ZIC4: variants seen among roughly 807,000 people sequenced by gnomAD.
ZIC4 encodes the protein Zic family zinc finger 4.
A neutral mutation model predicts 28.8 loss-of-function variants in ZIC4; 15 were observed. The ratio of observed to expected loss-of-function variants is 0.52; its 90% confidence interval spans 0.35 to 0.80. ZIC4 has a LOEUF of 0.80. ZIC4 is among the 30% of genes least tolerant of loss of function. The probability of loss-of-function intolerance (pLI) is 0.01; values close to 1 mark genes in which losing one functional copy is unlikely to be tolerated. For synonymous variants in ZIC4, 220 were observed against 198.1 expected, an observed-to-expected ratio of 1.11 and a Z score of -0.93; for missense variants, 512 against 467.1, an observed-to-expected ratio of 1.10 and a Z score of -0.89.
rs1473417857 is a variant in ZIC4 at position 147,387,289 on chromosome 3, T to C, written c.*1570A>G. The stretch of plus-strand genomic sequence containing the variant: ...ATTGATGCAGTGTGTGGATATTGTT[T>C]TAAAAGAAGTTTGATTTTTATCTCT... On this transcript the variant is annotated 3_prime_UTR_variant, in exon 5 of 5. Transcript: ENST00000383075. 2 of 152,628 alleles carry C rather than the reference T, an allele frequency of 1.3e-5. No individual in the cohort carries two copies. The highest frequency in any genetic ancestry group is 4.8e-5 in the African/African-American group (2 of 41,430). The allele number at this position is 152,628 out of a possible 1,614,324, so 9.5% of individuals were successfully genotyped here.
intron 1 of ZIC4, chr3:147,405,311 C>T: frequency 7.0e-7 from 1 of 1,425,362 alleles, no homozygotes; most frequent in Admixed American, 2.4e-5. Context: ...GAAAAAAGAG[C>T]AGCATGCAGT....
intron 3 of ZIC4, among the ~76,000 whole-genome samples, chr3:147,394,256 G>A (rs1421097180): frequency 2.6e-5 from 4 of 151,042 alleles, no homozygotes; most frequent in African/African-American, 9.8e-5. Flanking sequence ...GTTTTTGTTT[G>A]TTGTTTCCCC....
At chr3:147,400,829 C>G (rs2087150483) in intron 2 of ZIC4, among the ~76,000 whole-genome samples, 1 of 152,098 alleles carries the variant, frequency 6.6e-6, no homozygotes, top group South Asian at 2.1e-4. Context: ...ATTGGGCTGG[C>G]TAAGGAATGG....
chr3:147,394,185 G>A (rs867787857), intron 3 of ZIC4, among the ~76,000 whole-genome samples: 2 of 151,386 alleles, frequency 1.3e-5, no homozygotes, highest in South Asian at 4.2e-4. Context: ...GGGATTTGAG[G>A]GAAATGCCCG....
Position 147,390,923 on chromosome 3 carries a change from A to G in ZIC4, c.1004+8T>C. The stretch of plus-strand genomic sequence containing the variant: ...GCCGCTATGGGGCCCAAGCCCTGAC[A>G]CACGTACCATTCGCTCAAGTCGGCG... On this transcript the variant is annotated splice_region_variant and intron_variant, in intron 4 of 4. Coordinates refer to ENST00000383075, the MANE Select transcript of ZIC4 (RefSeq NM_032153.6). The G allele has an allele frequency of 1.2e-6, 2 of 1,604,362 alleles. No homozygotes were observed. The highest frequency in any genetic ancestry group is 2.2e-5 in the South Asian group (2 of 89,804).
Position 147,390,977 on chromosome 3 carries a change from C to T in ZIC4, c.958G>A (p.Ala320Thr). 6.2e-7 allele frequency: 1 copy of T among 1,612,726 alleles called. No homozygotes were observed. Among genetic ancestry groups the T allele is most frequent in the Non-Finnish European group, 8.5e-7 (1 of 1,179,570 alleles). Residue 320 changes from alanine to threonine, a missense_variant, in exon 4 of 5, where the codon GCC (alanine) becomes ACC (threonine). Physicochemically the swap from Ala to Thr is moderately conservative, Grantham distance 58. This residue lies in a region of ZIC4 where 144 missense variants were observed against 116.8 expected (regional missense o/e 1.23). Transcript: ENST00000383075. ...CGCGCCGCCACCGCCGCCGAGGAGG[C>T]CACCTGGGACTTGTGGCCGCAGTCC... ...SSDCGHKSQV[A>T]SSAAVAARTA...
chr3:147,395,746 C>G (rs2087025592), intron 3 of ZIC4, 106 bp downstream of exon 3: 1 of 1,500,778 alleles, frequency 6.7e-7, no homozygotes, highest in Non-Finnish European at 8.9e-7. Context: ...ATGGAAACAA[C>G]CCCAAAATAT....
At chr3:147,388,887 G>A (rs931722394) in intron 4 of ZIC4, 28 bp from the exon 5 acceptor site, 2 of 779,266 alleles carry the variant, frequency 2.6e-6, no homozygotes, top group African/African-American at 3.4e-5. Context: ...AAAATTAAAG[G>A]CGATTAGTGG....
chr3:147,392,779 C>G (rs1425145052), intron 3 of ZIC4: 1 of 152,438 alleles, frequency 6.6e-6, no homozygotes, highest in Non-Finnish European at 1.5e-5. Context: ...TCAGCGGCTC[C>G]TGAGCCCGGG....
intron 4 of ZIC4, 95 bp downstream of exon 4, chr3:147,390,836 A>C (rs967517128): frequency 2.8e-6 from 4 of 1,421,862 alleles, no homozygotes; most frequent in South Asian, 1.4e-5. Context: ...CTAATACCGG[A>C]GGCGGCGGCG....
rs1228282778 is a variant in ZIC4 at position 147,391,047 on chromosome 3, A to G, written c.888T>C (p.Ser296=). 5.6e-6 allele frequency: 9 copies of G among 1,613,826 alleles called. No homozygotes were observed. The highest frequency in any genetic ancestry group is 7.6e-6 in the Non-Finnish European group (9 of 1,179,984). Residue 296 remains serine, a synonymous_variant, in exon 4 of 5, where the codon TCT becomes TCC. Transcript: ENST00000383075. Reference sequence around the variant, plus strand: ...CAGACGGTGTAGCCGAATCGTAGCCAGAGCTGGGCGGCGGCGAGCGCCCGT... The same window carrying G: ...CAGACGGTGTAGCCGAATCGTAGCCGGAGCTGGGCGGCGGCGAGCGCCCGT... ...KVHGRSPPPS[S]GYDSATPSAL... is the part of the protein sequence containing the mutation.
chr3:147,405,350 T>G lies in ZIC4; in HGVS notation c.-16+1013A>C, dbSNP rs1364217054. ...GTGGGTCGCTGCGAGGACAATACTG[T>G]CGGAAAGCGGGGAAAACATGACCTT... On this transcript the variant is annotated intron_variant, in intron 1 of 4. Transcript: ENST00000383075. 5.1e-5 allele frequency: 78 copies of G among 1,528,346 alleles called. 1 individual carries two copies. The highest frequency in any genetic ancestry group is 6.7e-5 in the Non-Finnish European group (77 of 1,142,496). The allele number at this position is 1,528,346 out of a possible 1,614,324, so 94.7% of individuals were successfully genotyped here. A position where few individuals can be genotyped will look rare whatever the true frequency, so the allele number is the denominator to read the frequency against.
intron 1 of ZIC4, among the ~76,000 whole-genome samples, chr3:147,404,555 G>A (rs1205340158): frequency 6.6e-6 from 1 of 152,170 alleles, no homozygotes; most frequent in African/African-American, 2.4e-5. Context: ...AAACAACCAC[G>A]GAATGTAGAA....
At position 147,388,678 on chromosome 3, in the gene ZIC4, G is replaced by T; in HGVS notation, c.*181C>A. ...AATGAAAAGCCTGGACGGGCTCCAGGCTTGGCCTTTCAGGATTTCAGTGCG... is the reference window on the plus strand; with the variant it reads ...AATGAAAAGCCTGGACGGGCTCCAGTCTTGGCCTTTCAGGATTTCAGTGCG... On this transcript the variant is annotated 3_prime_UTR_variant, in exon 5 of 5. Transcript: ENST00000383075. The T allele has an allele frequency of 1.7e-6, 1 of 605,074 alleles. No homozygotes were observed. Among genetic ancestry groups the T allele is most frequent in the Non-Finnish European group, 3.0e-6 (1 of 335,284 alleles). 37.5% of individuals were successfully genotyped at this position (605,074 alleles called of 1,614,324 possible).
Position 147,405,337 on chromosome 3 carries a change from G to A in ZIC4, c.-16+1026C>T, listed in dbSNP as rs1256774886. The A allele has an allele frequency of 2.0e-5, 31 of 1,512,950 alleles. No homozygotes were observed. The African/African-American group carries it at 2.1e-4, about 10-fold the overall frequency. 93.7% of individuals were successfully genotyped at this position (1,512,950 alleles called of 1,614,324 possible). On this transcript the variant is annotated intron_variant, in intron 1 of 4. Transcript: ENST00000383075. The stretch of plus-strand genomic sequence containing the variant: ...AGCATGCAGTGGTGTGGGTCGCTGC[G>A]AGGACAATACTGTCGGAAAGCGGGG...
At chr3:147,403,019 TA>T (rs1161360089) in intron 1 of ZIC4, among the ~76,000 whole-genome samples, 1 of 152,222 alleles carries the variant, frequency 6.6e-6, no homozygotes, top group Non-Finnish European at 1.5e-5. Context: ...TCTTTGGTGA[TA>T]AAAACATTGA....
At position 147,388,544 on chromosome 3, in the gene ZIC4, G is replaced by C. The variant is rs545662106; in HGVS notation, c.*315C>G. On this transcript the variant is annotated 3_prime_UTR_variant, in exon 5 of 5. Coordinates refer to ENST00000383075, the MANE Select transcript of ZIC4 (RefSeq NM_032153.6). ...TCGGGTACAAGTGCCCATTCGCGTG[G>C]GTTTTGTTTACCGGAAATTAAATGA... 2.6e-6 allele frequency: 1 copy of C among 388,440 alleles called. No homozygotes were observed. The highest frequency in any genetic ancestry group is 3.8e-5 in the East Asian group (1 of 26,252). The allele number at this position is 388,440 out of a possible 1,614,324, so 24.1% of individuals were successfully genotyped here.
At position 147,390,844 on chromosome 3, in the gene ZIC4, G is replaced by A. The variant is rs957822212; in HGVS notation, c.1004+87C>T. ...GGCAGCCCTAATACCGGAGGCGGCG[G>A]CGGCAGCAGCAGGGCCAGGTGGTAG... On this transcript the variant is annotated intron_variant, in intron 4 of 4. Transcript: ENST00000383075. 25 of 1,463,658 alleles carry A rather than the reference G, an allele frequency of 1.7e-5. No individual in the cohort carries two copies. The Admixed American group carries it at 5.6e-4, about 33-fold the overall frequency. 90.7% of individuals were successfully genotyped at this position (1,463,658 alleles called of 1,614,324 possible).
intron 3 of ZIC4, chr3:147,392,341 T>C: frequency 1.0e-6 from 1 of 985,622 alleles, no homozygotes; most frequent in African/African-American, 1.7e-5. Context: ...GTGGCTGCGA[T>C]GCCCTGTAGA....
Sources: allele counts gnomAD v4.1 joint callset (sites outside exome capture counted in the v4.1 genomes callset), GRCh38; gene constraint gnomAD v4.1.1; regional missense constraint gnomAD v4.1.1; transcripts MANE v1.5; gene names NCBI Gene and HGNC (gene_info 2026-07-23, HGNC 2026-07-21).